Variants in CDH22 observed in about 807,000 individuals in gnomAD.
CDH22 encodes cadherin-22.
Under a neutral mutation model 58.4 loss-of-function variants are expected in CDH22, and 30 were observed. The observed-to-expected ratio is 0.51, with a 90% confidence interval of 0.38 to 0.70. The LOEUF is 0.70. CDH22 is among the 30% of genes least tolerant of loss of function. The pLI, the probability that CDH22 is intolerant of heterozygous loss-of-function variation, is 0.00. For synonymous variants in CDH22, 513 were observed against 558.2 expected, an observed-to-expected ratio of 0.92 and a Z score of 1.14; for missense variants, 1,014 against 1,233.9, an observed-to-expected ratio of 0.82 and a Z score of 2.67.
chr20:46,220,193 AT>A (rs1466273934), intron 4 of CDH22, among the ~76,000 whole-genome samples: 4 of 151,426 alleles, frequency 2.6e-5, no homozygotes, highest in Non-Finnish European at 4.4e-5. Flanking sequence ...AGAAGGGAAG[AT>A]TGCGGGGGGA....
chr20:46,200,781 A>G (rs765311677), intron 7 of CDH22, among the ~76,000 whole-genome samples: 36 of 152,308 alleles, frequency 2.4e-4, no homozygotes, highest in Admixed American at 6.5e-4. Flanking sequence ...CCGGCACAGC[A>G]CAGTTGGCGT....
intron 1 of CDH22, among the ~76,000 whole-genome samples, chr20:46,291,726 C>T (rs552390152): frequency 5.9e-5 from 9 of 152,262 alleles, no homozygotes; most frequent in Non-Finnish European, 1.3e-4. Context: ...TGCTCCTCTG[C>T]GTTGCAGCCT....
chr20:46,249,841 G>T (rs11907362), intron 2 of CDH22, among the ~76,000 whole-genome samples: 1,577 of 152,266 alleles, frequency 0.01, 20 homozygotes, highest in Middle Eastern at 0.044. Context: ...CCAAGTCTTT[G>T]ATTAGGTTAC....
chr20:46,235,122 C>T (rs1325862940), intron 3 of CDH22, among the ~76,000 whole-genome samples: 7 of 152,120 alleles, frequency 4.6e-5, no homozygotes, highest in Admixed American at 6.5e-5. Context: ...TCTGCAGTGC[C>T]CAGAATAAAG....
chr20:46,225,843 A>T (rs1214736233), intron 4 of CDH22, among the ~76,000 whole-genome samples: 1 of 151,912 alleles, frequency 6.6e-6, no homozygotes, highest in Non-Finnish European at 1.5e-5. Flanking sequence ...TATAAAATGT[A>T]TTACTTTTTT....
chr20:46,242,262 G>T (rs772311189), intron 2 of CDH22, among the ~76,000 whole-genome samples: 1 of 152,096 alleles, frequency 6.6e-6, no homozygotes, highest in African/African-American at 2.4e-5. Flanking sequence ...GGTTCTTCAA[G>T]GTCAGGCCAC....
At chr20:46,303,388 C>T (rs2086660869) in intron 1 of CDH22, among the ~76,000 whole-genome samples, 1 of 152,196 alleles carries the variant, frequency 6.6e-6, no homozygotes, top group Non-Finnish European at 1.5e-5. Context: ...TGCTGCCCCG[C>T]CCACTGGCTG....
intron 1 of CDH22, among the ~76,000 whole-genome samples, chr20:46,254,953 C>T (rs975152217): frequency 6.6e-5 from 10 of 152,104 alleles, no homozygotes; most frequent in South Asian, 2.1e-4. Context: ...GGAGAAGGCA[C>T]GCTTGTTGTA....
At chr20:46,271,383 C>T (rs2145757701) in intron 1 of CDH22, among the ~76,000 whole-genome samples, 1 of 152,326 alleles carries the variant, frequency 6.6e-6, no homozygotes, top group African/African-American at 2.4e-5. Context: ...CTTCAGCCCT[C>T]TCTAAGAGGT....
chr20:46,292,195 C>T (rs1157247760), intron 1 of CDH22, among the ~76,000 whole-genome samples: 2 of 152,220 alleles, frequency 1.3e-5, no homozygotes, highest in Non-Finnish European at 2.9e-5. Flanking sequence ...GCTGAGCTTT[C>T]CCACTGGAGG....
At chr20:46,212,112 G>A (rs958773792) in intron 6 of CDH22, among the ~76,000 whole-genome samples, 10 of 152,180 alleles carry the variant, frequency 6.6e-5, no homozygotes, top group South Asian at 2.1e-4. Context: ...GGTAAAGAGC[G>A]GGTCATTATG....
intron 7 of CDH22, 148 bp from the exon 8 acceptor site, chr20:46,199,707 G>T: frequency 1.0e-6 from 1 of 969,188 alleles, no homozygotes; most frequent in Non-Finnish European, 1.5e-6. Context: ...GAGGAGGAGC[G>T]GGAAGCAACT....
Position 46,175,055 on chromosome 20 carries a change from G to T in CDH22, c.1938C>A (p.Thr646=). The T allele has an allele frequency of 6.2e-7, 1 of 1,606,392 alleles. No individual in the cohort carries two copies. Residue 646 remains threonine, a synonymous_variant, in exon 12 of 12, where the codon ACC becomes ACA. Coordinates refer to ENST00000537909, the MANE Select transcript of CDH22 (RefSeq NM_021248.3). The stretch of plus-strand genomic sequence containing the variant: ...GGTGGCTCTTGTGGTGGCGCCTGAG[G>T]GTGAGGATCAGCAGCACCAGCACTG... ...ILVVLVLLIL[T]LRRHHKSHLS... is the part of the protein sequence containing the mutation.
chr20:46,264,430 G>A (rs571192975), intron 1 of CDH22, among the ~76,000 whole-genome samples: 32 of 152,278 alleles, frequency 2.1e-4, no homozygotes, highest in Admixed American at 1.8e-3. Flanking sequence ...GCCAGGCATG[G>A]TGCCATCCAA....
At chr20:46,227,773 T>A in intron 3 of CDH22, 146 bp from the exon 4 acceptor site, 2 of 1,207,758 alleles carry the variant, frequency 1.7e-6, no homozygotes, top group Non-Finnish European at 2.3e-6. Flanking sequence ...ACGGTCCCCA[T>A]CCCCACTCTG....
rs1297504208 is a variant in CDH22 at position 46,251,427 on chromosome 20, G to A, written c.-133C>T. ...CGGCCGCCGGGATGTCGCCCCCGAC[G>A]GGGCACCCGGACGGGCCCGCGGCCC... On this transcript the variant is annotated 5_prime_UTR_variant, in exon 2 of 12. Coordinates refer to ENST00000537909, the MANE Select transcript of CDH22 (RefSeq NM_021248.3). This position sits in a 1 kb window ranked among gnomAD's most constrained non-coding sequence, Gnocchi z 6.7. 9.2e-7 allele frequency: 1 copy of A among 1,087,170 alleles called. No homozygotes were observed. The highest frequency in any genetic ancestry group is 1.2e-6 in the Non-Finnish European group (1 of 837,220). The allele number at this position is 1,087,170 out of a possible 1,614,324, so 67.3% of individuals were successfully genotyped here.
intron 1 of CDH22, among the ~76,000 whole-genome samples, chr20:46,285,407 G>A (rs554101179): frequency 3.9e-5 from 6 of 152,254 alleles, no homozygotes; most frequent in African/African-American, 9.6e-5. Context: ...GGGACCTTGC[G>A]ACCCTTGGGA....
Position 46,196,113 on chromosome 20 carries a change from C to T in CDH22, c.1423+3310G>A, listed in dbSNP as rs542195928. Among the ~76,000 whole-genome samples the T allele has an allele frequency of 3.9e-3, 587 of 152,240 alleles. 3 individuals are homozygous for T. The highest frequency in any genetic ancestry group is 0.013 in the African/African-American group (559 of 41,548). ...GGGCTCTGGCTGGCTCCTGGGAAGCCGGAGGTCTTGGGTCAAGCCTGCCCC... is the reference window on the plus strand; with the variant it reads ...GGGCTCTGGCTGGCTCCTGGGAAGCTGGAGGTCTTGGGTCAAGCCTGCCCC... On this transcript the variant is annotated intron_variant, in intron 8 of 11. Coordinates refer to ENST00000537909, the MANE Select transcript of CDH22 (RefSeq NM_021248.3).
intron 8 of CDH22, among the ~76,000 whole-genome samples, chr20:46,189,828 C>T (rs1252717660): frequency 6.6e-6 from 1 of 152,152 alleles, no homozygotes; most frequent in Non-Finnish European, 1.5e-5. Flanking sequence ...TTGGCTGGCC[C>T]CAGGTCAGTA....
Sources: gnomAD v4.1 joint callset for allele counts (sites outside exome capture counted in the v4.1 genomes callset) on GRCh38, gnomAD v4.1.1 for gene constraint, Gnocchi (gnomAD v3.1) non-coding constraint, MANE v1.5 for transcripts, NCBI Gene and HGNC (gene_info 2026-07-23, HGNC 2026-07-21) for gene names.